HS3ST5: variants seen among roughly 807,000 people sequenced by gnomAD.
HS3ST5 encodes the protein heparan sulfate glucosamine 3-O-sulfotransferase 5.
HS3ST5 carries 10 observed loss-of-function variants against 25.4 expected under a neutral mutation model. That is an observed-to-expected ratio of 0.39 (90% CI 0.24 to 0.67). The LOEUF is 0.67. Ranked by LOEUF, HS3ST5 falls within the 30% of genes least tolerant of loss-of-function variation. HS3ST5 has a pLI of 0.44. For missense variants in HS3ST5, 324 were observed against 420.7 expected (o/e 0.77, Z 2.01); for synonymous variants, 170 against 162.4 (o/e 1.05, Z -0.36).
At chr6:114,129,984 A>G (rs905924273) in intron 3 of HS3ST5, among the ~76,000 whole-genome samples, 9 of 152,202 alleles carry the variant, frequency 5.9e-5, no homozygotes, top group African/African-American at 2.2e-4. Flanking sequence ...GAAATCACGT[A>G]GTCTACACCT....
At chr6:114,119,907 G>A (rs746905948) in intron 3 of HS3ST5, among the ~76,000 whole-genome samples, 1 of 152,178 alleles carries the variant, frequency 6.6e-6, no homozygotes, top group Non-Finnish European at 1.5e-5. Flanking sequence ...AGCACTTTGG[G>A]AGGCCAAGGT....
intron 1 of HS3ST5, among the ~76,000 whole-genome samples, chr6:114,298,190 A>G (rs1170401471): frequency 6.6e-6 from 1 of 152,222 alleles, no homozygotes; most frequent in Non-Finnish European, 1.5e-5. Context: ...AGAGAAAAAA[A>G]TCTTAGTAAA....
chr6:114,229,529 T>C (rs1345730968), intron 1 of HS3ST5, among the ~76,000 whole-genome samples: 2 of 152,208 alleles, frequency 1.3e-5, no homozygotes, highest in East Asian at 1.9e-4. Context: ...GAAGGTTCTA[T>C]TGCTTGGCCA....
intron 1 of HS3ST5, among the ~76,000 whole-genome samples, chr6:114,279,944 T>C (rs997507146): frequency 2.6e-5 from 4 of 151,972 alleles, no homozygotes; most frequent in African/African-American, 7.2e-5. Flanking sequence ...AAGGTTCCCA[T>C]ACAGATCAGA....
chr6:114,056,274 A>G lies in HS3ST5; in HGVS notation c.*983T>C, dbSNP rs969542298. ...GGTGGCTATTATACTTGATTTCCAG[A>G]TGGTTGAGGTTTTTCTTTTTTAATA... On this transcript the variant is annotated 3_prime_UTR_variant, in exon 5 of 5. Coordinates refer to ENST00000312719, the MANE Select transcript of HS3ST5 (RefSeq NM_153612.4). The G allele has an allele frequency of 5.3e-5, 8 of 152,128 alleles. No individual in the cohort carries two copies. The highest frequency in any genetic ancestry group is 5.2e-4 in the Admixed American group (8 of 15,260). 9.4% of individuals were successfully genotyped at this position (152,128 alleles called of 1,614,324 possible). A position where few individuals can be genotyped will look rare whatever the true frequency, so the allele number is the denominator to read the frequency against.
intron 1 of HS3ST5, among the ~76,000 whole-genome samples, chr6:114,323,422 C>A (rs1312816127): frequency 1.3e-5 from 2 of 152,088 alleles, no homozygotes; most frequent in Non-Finnish European, 2.9e-5. Flanking sequence ...AGGGTGCTTA[C>A]ATTTTATCCT....
chr6:114,114,401 A>G (rs183198692), intron 3 of HS3ST5, among the ~76,000 whole-genome samples: 37 of 152,272 alleles, frequency 2.4e-4, no homozygotes, highest in Non-Finnish European at 1.5e-5. Flanking sequence ...GGATGTTACT[A>G]AAGTTTTCTT....
intron 1 of HS3ST5, among the ~76,000 whole-genome samples, chr6:114,243,946 G>A (rs1772261128): frequency 6.6e-6 from 1 of 152,188 alleles, no homozygotes; most frequent in Admixed American, 6.5e-5. Flanking sequence ...AGAATAGTGA[G>A]AATGCGATAG....
chr6:114,248,138 T>C (rs1409234404), intron 1 of HS3ST5, among the ~76,000 whole-genome samples: 1 of 150,628 alleles, frequency 6.6e-6, no homozygotes, highest in Non-Finnish European at 1.5e-5. Flanking sequence ...GAGACGGAAG[T>C]TGCAGTGAGC....
chr6:114,316,726 C>A (rs1775762471), intron 1 of HS3ST5, among the ~76,000 whole-genome samples: 1 of 152,158 alleles, frequency 6.6e-6, no homozygotes, highest in South Asian at 2.1e-4. Context: ...TAGAAAAAAC[C>A]AAAACCTTCC....
chr6:114,116,767 TA>T (rs1474009911), intron 3 of HS3ST5, among the ~76,000 whole-genome samples: 2 of 152,106 alleles, frequency 1.3e-5, no homozygotes, highest in Admixed American at 1.3e-4. Context: ...ACCTAACTCT[TA>T]CTTAATGAGT....
intron 2 of HS3ST5, among the ~76,000 whole-genome samples, chr6:114,212,704 G>C (rs1472839825): frequency 6.6e-6 from 1 of 152,126 alleles, no homozygotes; most frequent in Admixed American, 6.5e-5. Flanking sequence ...TATTGCCTGT[G>C]TTTACAACAC....
intron 3 of HS3ST5, among the ~76,000 whole-genome samples, chr6:114,161,521 T>TTATATATATATATATATA (rs59921019): frequency 3.0e-5 from 1 of 33,540 alleles, no homozygotes; most frequent in Non-Finnish European, 5.6e-5. Context: ...TCCTGAAGTT[T>TTATATATATATATATATA]TATATATATA....
chr6:114,206,924 A>G (rs1301073193), intron 2 of HS3ST5, among the ~76,000 whole-genome samples: 1 of 152,204 alleles, frequency 6.6e-6, no homozygotes, highest in Non-Finnish European at 1.5e-5. Context: ...GACATTGTGG[A>G]GTACATTAAA....
At chr6:114,266,389 T>C (rs1386554326) in intron 1 of HS3ST5, among the ~76,000 whole-genome samples, 2 of 152,234 alleles carry the variant, frequency 1.3e-5, no homozygotes, top group East Asian at 1.9e-4. Flanking sequence ...TAAAATTATA[T>C]AAAGTTAGTT....
intron 1 of HS3ST5, among the ~76,000 whole-genome samples, chr6:114,326,547 A>G (rs1277505945): frequency 1.3e-5 from 2 of 152,210 alleles, no homozygotes; most frequent in African/African-American, 4.8e-5. Flanking sequence ...CAGTAATTAG[A>G]GCAGTTGCAT....
chr6:114,209,450 T>C (rs1781421734), intron 2 of HS3ST5, among the ~76,000 whole-genome samples: 1 of 152,288 alleles, frequency 6.6e-6, no homozygotes, highest in South Asian at 2.1e-4. Context: ...AAGTTTCTTC[T>C]TCCTACATTT....
At chr6:114,297,330 A>G (rs1157718196) in intron 1 of HS3ST5, among the ~76,000 whole-genome samples, 1 of 152,146 alleles carries the variant, frequency 6.6e-6, no homozygotes, top group Non-Finnish European at 1.5e-5. Context: ...GTACACAAGC[A>G]AGAGAATCTG....
At chr6:114,258,206 T>C (rs1343734824) in intron 1 of HS3ST5, among the ~76,000 whole-genome samples, 1 of 152,172 alleles carries the variant, frequency 6.6e-6, no homozygotes, top group Non-Finnish European at 1.5e-5. Flanking sequence ...GGGGTGATTG[T>C]TGTTACCCAC....
Sources: gnomAD v4.1 joint callset for allele counts (sites outside exome capture counted in the v4.1 genomes callset) on GRCh38, gnomAD v4.1.1 for gene constraint, MANE v1.5 for transcripts, NCBI Gene and HGNC (gene_info 2026-07-23, HGNC 2026-07-21) for gene names.